ITGAL: variants seen among roughly 807,000 people sequenced by gnomAD.
ITGAL encodes integrin alpha-L.
A neutral mutation model predicts 138.4 loss-of-function variants in ITGAL; 68 were observed. The ratio of observed to expected loss-of-function variants is 0.49; its 90% CI spans 0.40 to 0.60. ITGAL has a LOEUF of 0.60. ITGAL is among the 20% of genes least tolerant of loss of function. The probability of loss-of-function intolerance (pLI) is 0.00; values close to 1 mark genes in which losing one functional copy is unlikely to be tolerated. For missense variants in ITGAL, 1,256 were observed against 1,478.6 expected (o/e 0.85, Z 2.47); for synonymous variants, 561 against 584.3 (o/e 0.96, Z 0.57).
chr16:30,504,086 A>T, intron 17 of ITGAL, 89 bp from the exon 18 acceptor site: 1 of 1,000,748 alleles, frequency 1.0e-6, no homozygotes, highest in Non-Finnish European at 1.6e-6. Context: ...GAATTTCATC[A>T]CTTGTAAAAT....
intron 4 of ITGAL, 72 bp from the exon 5 acceptor site, chr16:30,479,019 G>C (rs938152685): frequency 8.9e-7 from 1 of 1,122,850 alleles, no homozygotes; most frequent in Non-Finnish European, 1.4e-6. Flanking sequence ...AACGTTCCTA[G>C]TTTTGGTTGA....
At chr16:30,505,210 C>A in intron 18 of ITGAL, 34 bp from the exon 19 acceptor site, 1 of 1,540,502 alleles carries the variant, frequency 6.5e-7, no homozygotes, top group East Asian at 2.3e-5. Flanking sequence ...GTTAATCTCT[C>A]CTCTCTCCAT....
At chr16:30,508,671 G>T (rs541612592) in intron 21 of ITGAL, among the ~76,000 whole-genome samples, 1 of 152,174 alleles carries the variant, frequency 6.6e-6, no homozygotes, top group South Asian at 2.1e-4. Context: ...TCTAGCCTGG[G>T]CAACAGAACA....
rs2051227868 is a variant in ITGAL at position 30,519,930 on chromosome 16, T to G, written c.3302T>G (p.Leu1101Arg). 1.2e-6 allele frequency: 2 copies of G among 1,602,440 alleles called. No homozygotes were observed. The highest frequency in any genetic ancestry group is 3.3e-5 in the Admixed American group (2 of 59,834). The change falls in exon 30 of 31, where the codon CTG becomes CGG. Residue 1101 changes from leucine to arginine, a missense_variant. This residue lies in a region of ITGAL where 867 missense variants were observed against 972.5 expected (regional missense o/e 0.89). Coordinates refer to ENST00000356798, the MANE Select transcript of ITGAL (RefSeq NM_002209.3). ...TACGTGCTGAGCGGCATCGGGGGGC[T>G]GCTGCTGCTGCTGCTCATTTTCATA... is the stretch of plus-strand genomic sequence containing the variant. ...YLYVLSGIGGLLLLLLIFIVL... is the reference protein window; with the variant it reads ...YLYVLSGIGGRLLLLLIFIVL...
chr16:30,483,728 T>C (rs761745803), intron 7 of ITGAL, 99 bp from the exon 8 acceptor site: 2 of 1,344,450 alleles, frequency 1.5e-6, no homozygotes, highest in Non-Finnish European at 2.0e-6. Context: ...GAAGGGCTTT[T>C]GCGTAACCAG....
intron 13 of ITGAL, 117 bp from the exon 14 acceptor site, chr16:30,495,980 C>T (rs150809350): frequency 1.0e-4 from 85 of 825,572 alleles, no homozygotes; most frequent in Non-Finnish European, 1.6e-4. Context: ...AGTCTAACAG[C>T]ACCATTCCAA....
intron 18 of ITGAL, among the ~76,000 whole-genome samples, chr16:30,504,486 TGAG>T (rs1244300787): frequency 6.6e-6 from 1 of 152,040 alleles, no homozygotes; most frequent in Non-Finnish European, 1.5e-5. Context: ...ATGGTGCACT[TGAG>T]GCCAGGAGTT....
At chr16:30,478,697 C>CAAAAAAAA (rs59193580) in intron 4 of ITGAL, among the ~76,000 whole-genome samples, 3 of 106,568 alleles carry the variant, frequency 2.8e-5, no homozygotes, top group African/African-American at 4.0e-5. Flanking sequence ...GACTCCATCT[C>CAAAAAAAA]AAAAAAAAAA....
In ITGAL at chr16:30,499,713, GTA is replaced by G. The variant is rs1264687976; in HGVS notation, c.2145+244_2145+245del. ...TATATATATGTGTATATATATATATGTATATATATATATATATATATTTTTTT... is the reference window on the plus strand; with the variant it reads ...TATATATATGTGTATATATATATATGTATATATATATATATATATTTTTTT... On this transcript the variant is annotated intron_variant, in intron 17 of 30. Transcript: ENST00000356798. Among the ~76,000 whole-genome samples the G allele has an allele frequency of 6.9e-4, 71 of 103,186 alleles. 3 individuals carry two copies. The highest frequency in any genetic ancestry group is 0.01 in the Middle Eastern group (2 of 192). 67.7% of individuals were successfully genotyped at this position (103,186 alleles called of 152,430 possible).
At chr16:30,475,734 CTTTTTTTTTT>C (rs35994365) in intron 4 of ITGAL, among the ~76,000 whole-genome samples, 154 bp downstream of exon 4, 2 of 81,308 alleles carry the variant, frequency 2.5e-5, no homozygotes, top group South Asian at 3.3e-4. Context: ...ATGAACCAGC[CTTTTTTTTTT>C]TTTTTTTTTT....
chr16:30,499,508 A>G lies in ITGAL; in HGVS notation c.2145+19A>G, dbSNP rs759918885. ...TTTCCCGGTAAGGGAGCCAGCGCCA[A>G]TGCTCTGGGATGAGCTACCTGCAGG... On this transcript the variant is annotated intron_variant, in intron 17 of 30. Coordinates refer to ENST00000356798, the MANE Select transcript of ITGAL (RefSeq NM_002209.3). The G allele has an allele frequency of 1.6e-5, 26 of 1,610,732 alleles. No individual in the cohort carries two copies. In the Admixed American group the frequency reaches 1.8e-4, roughly 11 times the overall value.
chr16:30,500,899 G>A (rs2050885881), intron 17 of ITGAL, among the ~76,000 whole-genome samples: 1 of 152,046 alleles, frequency 6.6e-6, no homozygotes, highest in African/African-American at 2.4e-5. Flanking sequence ...AGCTACTTGG[G>A]AGGCTGAGGC....
At chr16:30,501,625 A>G (rs1400195195) in intron 17 of ITGAL, among the ~76,000 whole-genome samples, 1 of 151,970 alleles carries the variant, frequency 6.6e-6, no homozygotes. Flanking sequence ...AGAATATTCA[A>G]TCATCATGGT....
intron 25 of ITGAL, among the ~76,000 whole-genome samples, chr16:30,516,169 C>A (rs916387757): frequency 6.6e-6 from 1 of 152,096 alleles, no homozygotes; most frequent in East Asian, 1.9e-4. Flanking sequence ...CACTTTCTTA[C>A]ACATATCTGA....
intron 2 of ITGAL, chr16:30,474,570 A>C: frequency 7.1e-6 from 3 of 420,134 alleles, no homozygotes; most frequent in South Asian, 6.0e-5. Context: ...GGTTCCTGAC[A>C]CTCCCTTACT....
chr16:30,478,593 A>C (rs1413655742), intron 4 of ITGAL, among the ~76,000 whole-genome samples: 1 of 149,756 alleles, frequency 6.7e-6, no homozygotes, highest in African/African-American at 2.5e-5. Flanking sequence ...AGCTACTCAG[A>C]AGGCTGAGGC....
chr16:30,496,305 C>T lies in ITGAL; in HGVS notation c.1701+11C>T. ...CCCCAGCCAAGTCAGGTGACGTATG[C>T]TGCCTGCCAATCACACTCCATTCTC... On this transcript the variant is annotated intron_variant, in intron 14 of 30. Transcript: ENST00000356798. 3.1e-6 allele frequency: 5 copies of T among 1,600,100 alleles called. No homozygotes were observed. The highest frequency in any genetic ancestry group is 1.7e-5 in the Admixed American group (1 of 59,130).
Position 30,496,447 on chromosome 16 carries a change from G to A in ITGAL, c.1713G>A (p.Gly571=), listed in dbSNP as rs752961971. ...LSPQPSQRIE[G]TQVLSGIQWF... is the part of the protein sequence containing the mutation. ...TTTCTTGCTCTCAGCGGATAGAAGGGACCCAAGTGCTCTCAGGAATTCAGT... is the reference window on the plus strand; with the variant it reads ...TTTCTTGCTCTCAGCGGATAGAAGGAACCCAAGTGCTCTCAGGAATTCAGT... The change falls in exon 15 of 31, where the codon GGG becomes GGA. Residue 571 remains glycine (G), a synonymous_variant. Coordinates refer to ENST00000356798, the MANE Select transcript of ITGAL (RefSeq NM_002209.3). 6.2e-7 allele frequency: 1 copy of A among 1,613,892 alleles called. No individual in the cohort carries two copies. The highest frequency in any genetic ancestry group is 8.5e-7 in the Non-Finnish European group (1 of 1,179,976).
chr16:30,506,897 G>C (rs751250960), intron 21 of ITGAL, 41 bp downstream of exon 21: 1 of 1,608,248 alleles, frequency 6.2e-7, no homozygotes, highest in Admixed American at 1.7e-5. Flanking sequence ...CATCTGTTCG[G>C]CAGACACTGC....
Sources: allele counts gnomAD v4.1 joint callset (sites outside exome capture counted in the v4.1 genomes callset), GRCh38; gene constraint gnomAD v4.1.1; regional missense constraint gnomAD v4.1.1; transcripts MANE v1.5; gene names NCBI Gene and HGNC (gene_info 2026-07-23, HGNC 2026-07-21).